Variants in GPHN observed in about 807,000 individuals in gnomAD.
The protein encoded by GPHN is gephyrin.
Under a neutral mutation model 95.5 loss-of-function variants are expected in GPHN, and 17 were observed. The observed-to-expected ratio is 0.18, with a 90% CI of 0.12 to 0.27. GPHN has a LOEUF of 0.27. Among genes scored for constraint, GPHN ranks in the 10% least tolerant of loss-of-function variants. The pLI, the probability that GPHN is intolerant of heterozygous loss-of-function variation, is 1.00. For synonymous variants in GPHN, 320 were observed against 322.5 expected, an observed-to-expected ratio of 0.99 and a Z score of 0.08; for missense variants, 660 against 978.1, an observed-to-expected ratio of 0.67 and a Z score of 4.34.
At chr14:67,532,859 G>C in the GPHN span, among the ~76,000 whole-genome samples, 6 of 152,212 alleles carry the variant, frequency 3.9e-5, no homozygotes, top group Non-Finnish European at 8.8e-5. Flanking sequence ...TGGCGGAGAC[G>C]GTCTGGTCTT....
At chr14:67,153,884 A>G (rs1206925016) in intron 18 of GPHN, among the ~76,000 whole-genome samples, 3 of 152,276 alleles carry the variant, frequency 2.0e-5, no homozygotes, top group East Asian at 3.9e-4. Context: ...TATAAGAACA[A>G]TGATGATTCT....
At chr14:67,465,309 C>T in the GPHN span, among the ~76,000 whole-genome samples, 1 of 130,166 alleles carries the variant, frequency 7.7e-6, no homozygotes, top group Non-Finnish European at 1.8e-5. Flanking sequence ...AACATAGGGG[C>T]CGAAGGCCCA....
chr14:66,648,283 GC>G (rs34246844), intron 1 of GPHN, among the ~76,000 whole-genome samples: 1 of 152,160 alleles, frequency 6.6e-6, no homozygotes, highest in African/African-American at 2.4e-5. Context: ...AGTCAAAGAA[GC>G]CCTGAATATT....
the GPHN span, among the ~76,000 whole-genome samples, chr14:67,195,450 C>T: frequency 6.6e-6 from 1 of 152,100 alleles, no homozygotes; most frequent in African/African-American, 2.4e-5. Context: ...AAGGGCCTTT[C>T]GCTATCCCAG....
chr14:67,018,292 T>TA (rs1177834303), intron 9 of GPHN, among the ~76,000 whole-genome samples: 1 of 152,174 alleles, frequency 6.6e-6, no homozygotes, highest in Non-Finnish European at 1.5e-5. Flanking sequence ...TTATGGTAGA[T>TA]AAATTATATC....
At chr14:67,336,770 C>T in the GPHN span, 1 of 455,596 alleles carries the variant, frequency 2.2e-6, no homozygotes, top group Non-Finnish European at 4.4e-6. Flanking sequence ...AAACAGTTAC[C>T]TATTTTTAAA....
chr14:67,364,660 C>T, the GPHN span: 1 of 1,149,504 alleles, frequency 8.7e-7, no homozygotes, highest in Non-Finnish European at 1.2e-6. Context: ...AGACTAATAA[C>T]TATTTTTTTC....
the GPHN span, among the ~76,000 whole-genome samples, chr14:67,665,884 T>C: frequency 6.6e-6 from 1 of 152,200 alleles, no homozygotes; most frequent in South Asian, 2.1e-4. Context: ...AGGTTCACCA[T>C]GGCAAATGGT....
chr14:66,611,021 A>C (rs1168248633), intron 1 of GPHN, among the ~76,000 whole-genome samples: 4 of 152,142 alleles, frequency 2.6e-5, no homozygotes, highest in Admixed American at 2.6e-4. Flanking sequence ...TTTTACAAGA[A>C]AGTGCACAGA....
intron 3 of GPHN, among the ~76,000 whole-genome samples, chr14:66,784,780 G>A (rs767632268): frequency 2.6e-5 from 4 of 152,102 alleles, no homozygotes; most frequent in African/African-American, 7.2e-5. Flanking sequence ...AAGTGTTTAA[G>A]TGATTCACAA....
chr14:66,866,411 T>C (rs1412457252), intron 4 of GPHN, among the ~76,000 whole-genome samples: 1 of 152,204 alleles, frequency 6.6e-6, no homozygotes, highest in Non-Finnish European at 1.5e-5. Flanking sequence ...AAAGTAGTAC[T>C]GTTTATATAA....
chr14:66,944,394 G>T (rs940104930), intron 8 of GPHN, among the ~76,000 whole-genome samples: 15 of 152,192 alleles, frequency 9.9e-5, no homozygotes, highest in African/African-American at 3.4e-4. Flanking sequence ...TACAGGCTTT[G>T]CTCCCAAGGA....
chr14:67,095,966 CAAAAAAAA>C lies in GPHN; in HGVS notation c.1238-4877_1238-4870del. Among the ~76,000 whole-genome samples the C allele has an allele frequency of 8.9e-5, 6 of 67,086 alleles. 1 individual carries two copies. Among genetic ancestry groups the C allele is most frequent in the African/African-American group, 1.3e-4 (3 of 22,488 alleles). The allele number at this position is 67,086 out of a possible 152,430, so 44.0% of individuals were successfully genotyped here. A position where few individuals can be genotyped will look rare whatever the true frequency, so the allele number is the denominator to read the frequency against. On this transcript the variant is annotated intron_variant, in intron 12 of 22. Coordinates refer to ENST00000478722, the MANE Select transcript of GPHN (RefSeq NM_020806.5). ...AACAAAAAAAAAGAAAAGAAAAAGGCAAAAAAAAAAAAAAAAAAAAGAATTTAGAATCT... is the reference window on the plus strand; with the variant it reads ...AACAAAAAAAAAGAAAAGAAAAAGGCAAAAAAAAAAAAGAATTTAGAATCT...
the GPHN span, among the ~76,000 whole-genome samples, chr14:67,347,739 A>G: frequency 1.8e-4 from 28 of 152,172 alleles, no homozygotes; most frequent in African/African-American, 6.0e-4. Context: ...ACCTCAGGTG[A>G]TCCACCCGCC....
intron 9 of GPHN, among the ~76,000 whole-genome samples, chr14:66,989,067 A>T (rs1249735899): frequency 1.3e-5 from 2 of 152,054 alleles, no homozygotes; most frequent in Non-Finnish European, 2.9e-5. Context: ...TTATTGAAAT[A>T]CAAAGTGATT....
At chr14:67,203,029 G>A in the GPHN span, 1 of 1,531,524 alleles carries the variant, frequency 6.5e-7, no homozygotes, top group Non-Finnish European at 8.9e-7. Flanking sequence ...CACTTCTCAG[G>A]CAAGCAAGGT....
chr14:67,474,583 T>A, the GPHN span, among the ~76,000 whole-genome samples: 1 of 152,128 alleles, frequency 6.6e-6, no homozygotes, highest in Non-Finnish European at 1.5e-5. Context: ...TGCCATTTTT[T>A]AACCATGTGT....
chr14:67,495,780 A>G, the GPHN span, among the ~76,000 whole-genome samples: 134,779 of 152,248 alleles, frequency 0.89, 60,432 homozygotes, highest in Non-Finnish European at 0.95. Context: ...CACCATGCCC[A>G]GCCAGCCTTC....
At chr14:67,115,130 T>G (rs1341985637) in intron 16 of GPHN, among the ~76,000 whole-genome samples, 1 of 152,178 alleles carries the variant, frequency 6.6e-6, no homozygotes, top group African/African-American at 2.4e-5. Context: ...CATTCCTCCC[T>G]TTCTCTTATT....
Sources: allele counts gnomAD v4.1 joint callset (sites outside exome capture counted in the v4.1 genomes callset), GRCh38; gene constraint gnomAD v4.1.1; transcripts MANE v1.5; gene names NCBI Gene and HGNC (gene_info 2026-07-23, HGNC 2026-07-21).